The following SHROOM4 variants were observed in gnomAD, a reference collection of about 807,000 sequenced individuals.
SHROOM4 encodes the protein shroom family member 4.
A neutral mutation model predicts 80.3 loss-of-function variants in SHROOM4; 17 were observed. That is an observed-to-expected ratio of 0.21 (90% CI 0.14 to 0.32). The LOEUF is 0.32. Among genes scored for constraint, SHROOM4 ranks in the 10% least tolerant of loss-of-function variants. SHROOM4 has a pLI of 1.00. For synonymous variants in SHROOM4, 400 were observed against 437.5 expected, an observed-to-expected ratio of 0.91 and a Z score of 1.07; for missense variants, 993 against 1,140.3, an observed-to-expected ratio of 0.87 and a Z score of 1.86.
At chrX:50,621,089 T>A (rs979750647) in intron 5 of SHROOM4, among the ~76,000 whole-genome samples, 7 of 112,073 alleles carry the variant, frequency 6.2e-5, no homozygotes, top group African/African-American at 1.6e-4. Flanking sequence ...ACACCTGGAA[T>A]AAATATGCGA....
chrX:50,717,311 G>A (rs782273292), intron 1 of SHROOM4, among the ~76,000 whole-genome samples: 32 of 111,759 alleles, frequency 2.9e-4, no homozygotes, highest in African/African-American at 8.4e-4. Context: ...TCCGCCTCCC[G>A]GGTTCAAGCG....
intron 1 of SHROOM4, among the ~76,000 whole-genome samples, chrX:50,813,360 G>A (rs1936389903): frequency 8.9e-6 from 1 of 111,911 alleles, no homozygotes; most frequent in Non-Finnish European, 1.9e-5. Context: ...ATGGATGTGT[G>A]CGCGTCCGGC....
chrX:50,783,872 G>A (rs782588418), intron 1 of SHROOM4, among the ~76,000 whole-genome samples: 1 of 111,766 alleles, frequency 8.9e-6, no homozygotes, highest in Non-Finnish European at 1.9e-5. Flanking sequence ...CACCGTGCCC[G>A]GCCAGATTCT....
chrX:50,620,331 G>T (rs1235317851), intron 5 of SHROOM4, among the ~76,000 whole-genome samples: 2 of 111,322 alleles, frequency 1.8e-5, no homozygotes, highest in African/African-American at 6.5e-5. Context: ...ACTCATTTCT[G>T]GGAAAGACCC....
chrX:50,743,558 C>T (rs1934712067), intron 1 of SHROOM4, among the ~76,000 whole-genome samples: 1 of 110,172 alleles, frequency 9.1e-6, no homozygotes, highest in Admixed American at 9.7e-5. Context: ...GCTCAAGCGA[C>T]CCCCACACCC....
chrX:50,742,153 C>T (rs1934673883), intron 1 of SHROOM4, among the ~76,000 whole-genome samples: 1 of 110,228 alleles, frequency 9.1e-6, no homozygotes, highest in South Asian at 3.8e-4. Flanking sequence ...CCTTTCACTT[C>T]CCCCCTGCTT....
At chrX:50,675,059 G>A (rs782032685) in intron 2 of SHROOM4, among the ~76,000 whole-genome samples, 1 of 111,830 alleles carries the variant, frequency 8.9e-6, no homozygotes, top group Non-Finnish European at 1.9e-5. Flanking sequence ...AGAGACATGA[G>A]AGGACACTGT....
Position 50,812,998 on chromosome X carries a change from T to A in SHROOM4, c.117+904A>T, listed in dbSNP as rs957373295. On this transcript the variant is annotated intron_variant, in intron 1 of 8. Transcript: ENST00000376020. ...CACTCTTCCTGGTAACAGCTCCAGC[T>A]GCCCCTACCCCTCGCCCTCACCCCT... Among the ~76,000 whole-genome samples the A allele has an allele frequency of 2.8e-4, 31 of 111,892 alleles. No homozygotes were observed. In the Admixed American group the frequency reaches 2.9e-3, roughly 11 times the overall value.
intron 1 of SHROOM4, among the ~76,000 whole-genome samples, chrX:50,720,762 G>A (rs1242169856): frequency 9.0e-6 from 1 of 111,574 alleles, no homozygotes; most frequent in Non-Finnish European, 1.9e-5. Flanking sequence ...TAAATGAAGA[G>A]TGGGATTATA....
At chrX:50,687,267 C>CTTTTTTTATTTT (rs1557262322) in intron 2 of SHROOM4, 9 of 88,820 alleles carry the variant, frequency 1.0e-4, no homozygotes, top group African/African-American at 3.6e-4. Flanking sequence ...ATTTTGGTGT[C>CTTTTTTTATTTT]TTTTTTTTTT....
intron 1 of SHROOM4, among the ~76,000 whole-genome samples, chrX:50,802,035 C>T (rs1374445794): frequency 4.5e-5 from 5 of 111,643 alleles, no homozygotes; most frequent in African/African-American, 1.6e-4. Flanking sequence ...ACAAAAGTGG[C>T]AACGGAAAGG....
chrX:50,718,919 G>GC (rs1329557545), intron 1 of SHROOM4, among the ~76,000 whole-genome samples: 2 of 111,388 alleles, frequency 1.8e-5, no homozygotes, highest in African/African-American at 6.5e-5. Flanking sequence ...TGCAGATCCT[G>GC]CTTCAGTATG....
intron 1 of SHROOM4, among the ~76,000 whole-genome samples, chrX:50,749,386 G>A (rs188388107): frequency 1.8e-4 from 20 of 111,711 alleles, no homozygotes; most frequent in Admixed American, 1.5e-3. Flanking sequence ...ATTATATGCC[G>A]GGCTTTGTTC....
At chrX:50,647,175 T>C (rs1557258053) in intron 2 of SHROOM4, among the ~76,000 whole-genome samples, 2 of 111,645 alleles carry the variant, frequency 1.8e-5, no homozygotes, top group African/African-American at 6.5e-5. Flanking sequence ...TTTCTATATA[T>C]AGTGTGATAA....
rs936454031 is a variant in SHROOM4 at position 50,814,151 on chromosome X, G to C, written c.-133C>G. ...CCGCCCTGCTCCGCCTACTCTCCCG[G>C]CTGGAGACGCTCAGGCAGCGAGCGA... On this transcript the variant is annotated 5_prime_UTR_variant, in exon 1 of 9. Coordinates refer to ENST00000376020, the MANE Select transcript of SHROOM4 (RefSeq NM_020717.5). 38 of 493,344 alleles carry C rather than the reference G, an allele frequency of 7.7e-5. No homozygotes were observed. The Admixed American group carries it at 1.1e-3, about 14-fold the overall frequency. The allele number at this position is 493,344 out of a possible 1,213,427, so 40.7% of individuals were successfully genotyped here.
At chrX:50,766,867 A>G (rs1455702831) in intron 1 of SHROOM4, among the ~76,000 whole-genome samples, 2 of 112,103 alleles carry the variant, frequency 1.8e-5, no homozygotes, top group African/African-American at 6.5e-5. Context: ...ATAAAAATAT[A>G]TAAGGTCATT....
In SHROOM4 at chrX:50,634,691, C is replaced by A. The variant is rs1225676392; in HGVS notation, c.1382G>T (p.Cys461Phe). ...HSSHKGKKSP[C>F]PPTGGTHDQS... The stretch of plus-strand genomic sequence containing the variant: ...GTCATGGGTTCCTCCTGTAGGGGGG[C>A]ATGGACTTTTCTTCCCTTTGTGGCT... Residue 461 changes from cysteine (C) to phenylalanine (F), a missense_variant, in exon 4 of 9, where the codon TGC (cysteine) becomes TTC (phenylalanine). Physicochemically the swap from Cys to Phe is radical, Grantham distance 205. Transcript: ENST00000376020. The A allele has an allele frequency of 3.3e-6, 4 of 1,209,939 alleles. No homozygotes were observed. Among genetic ancestry groups the A allele is most frequent in the Admixed American group, 4.4e-5 (2 of 45,779 alleles).
chrX:50,741,418 ATAAC>A (rs1249009240), intron 1 of SHROOM4, among the ~76,000 whole-genome samples: 1 of 110,888 alleles, frequency 9.0e-6, no homozygotes, highest in African/African-American at 3.3e-5. Context: ...ATATTTCAAA[ATAAC>A]TAAGAGTAAA....
rs1415581785 is a variant in SHROOM4, at chrX:50,589,695, C to G, written c.*7000G>C. On this transcript the variant is annotated 3_prime_UTR_variant, in exon 9 of 9. Transcript: ENST00000376020. ...TTCCTCAGTGGATGGACATTTGGGT[C>G]ATTTCCACTTTTTGGCTATTATGAG... Among the ~76,000 whole-genome samples, 1 of 112,140 alleles carries G rather than the reference C, an allele frequency of 8.9e-6. No homozygotes were observed. Among genetic ancestry groups the G allele is most frequent in the African/African-American group, 3.2e-5 (1 of 30,855 alleles).
Sources: gnomAD v4.1 joint callset for allele counts (sites outside exome capture counted in the v4.1 genomes callset) on GRCh38, gnomAD v4.1.1 for gene constraint, MANE v1.5 for transcripts, NCBI Gene and HGNC (gene_info 2026-07-23, HGNC 2026-07-21) for gene names.